GTPBP1: variants seen among roughly 807,000 people sequenced by gnomAD.
GTPBP1 encodes the protein GTP binding protein 1, also known as GTP-binding protein 1.
GTPBP1 carries 23 observed loss-of-function variants against 62.0 expected under a neutral mutation model. That is an observed-to-expected ratio of 0.37 (90% confidence interval 0.27 to 0.53). The LOEUF (loss-of-function observed/expected upper bound fraction) is 0.53. Among genes scored for constraint, GTPBP1 ranks in the 20% least tolerant of loss-of-function variants. The probability of loss-of-function intolerance (pLI) is 0.89; values close to 1 mark genes in which losing one functional copy is unlikely to be tolerated. For missense variants in GTPBP1, 640 were observed against 917.3 expected, an observed-to-expected ratio of 0.70 and a Z score of 3.90; for synonymous variants, 344 against 364.4, an observed-to-expected ratio of 0.94 and a Z score of 0.64.
intron 2 of GTPBP1, among the ~76,000 whole-genome samples, chr22:38,713,293 C>T (rs1018853803): frequency 2.0e-5 from 3 of 152,142 alleles, no homozygotes; most frequent in Non-Finnish European, 4.4e-5. Flanking sequence ...AATGGGGAGG[C>T]TGTTAAGCAG....
At chr22:38,735,457 C>G, downstream of GTPBP1, 1 of 299,182 alleles carries the variant, frequency 3.3e-6, no homozygotes, top group Non-Finnish European at 6.6e-6. Context: ...TCTCCATACC[C>G]TGGGAGAATG....
At chr22:38,723,006 G>A in intron 5 of GTPBP1, 1 of 825,160 alleles carries the variant, frequency 1.2e-6, no homozygotes. Context: ...GTAGTCTCAG[G>A]AAGTTTGCTC....
downstream of GTPBP1, chr22:38,738,479 C>A (rs1603214574): frequency 1.2e-5 from 18 of 1,449,612 alleles, no homozygotes; most frequent in South Asian, 2.1e-4. This position sits in a 1 kb window ranked among gnomAD's most constrained non-coding sequence, Gnocchi z 6.6. Context: ...CTTCCAAATC[C>A]ACTCCCCTCC....
At chr22:38,740,251 G>A (rs998577556), downstream of GTPBP1, 2 of 1,550,792 alleles carry the variant, frequency 1.3e-6, no homozygotes, top group South Asian at 2.4e-5. This position sits in a 1 kb window ranked among gnomAD's most constrained non-coding sequence, Gnocchi z 4.8. Context: ...GCAGGGCCCT[G>A]GTGGTTCCCA....
At chr22:38,709,802 C>G (rs1352585861) in intron 2 of GTPBP1, among the ~76,000 whole-genome samples, 3 of 152,232 alleles carry the variant, frequency 2.0e-5, no homozygotes, top group Non-Finnish European at 4.4e-5. Flanking sequence ...CGTCCTCTCT[C>G]CCCACTGGAT....
Position 38,728,073 on chromosome 22 carries a change from G to A in GTPBP1, c.1628G>A (p.Arg543His), listed in dbSNP as rs763639124. ...GGGGACAAGGCCACTGTACACTTCC[G>A]CTTCATCAAGACCCCTGAGTACCTG... ...RTGDKATVHF[R>H]FIKTPEYLHI... The change falls in exon 10 of 12, where the codon CGC (arginine) becomes CAC (histidine). Residue 543 changes from arginine (R) to histidine (H), a missense_variant. Arg to His is a conservative substitution (Grantham distance 29, BLOSUM62 0). Around this residue, in one of 4 missense-constraint regions of GTPBP1, gnomAD observed 220 missense variants for 358.1 expected, o/e 0.61. Transcript: ENST00000216044. 3.2e-5 allele frequency: 51 copies of A among 1,612,802 alleles called. No individual in the cohort carries two copies. Among genetic ancestry groups the A allele is most frequent in the African/African-American group, 6.7e-5 (5 of 74,872 alleles).
chr22:38,739,259 C>T, downstream of GTPBP1: 2 of 1,464,988 alleles, frequency 1.4e-6, no homozygotes, highest in Non-Finnish European at 1.9e-6. This position sits in a 1 kb window ranked among gnomAD's most constrained non-coding sequence, Gnocchi z 6.7. Context: ...CTTGCTCTGC[C>T]CCACCACCAA....
rs372624692 is a variant in GTPBP1, at chr22:38,732,888, G to T, written c.*2184G>T. The T allele has an allele frequency of 6.6e-6, 1 of 152,312 alleles. No individual in the cohort carries two copies. The highest frequency in any genetic ancestry group is 1.5e-5 in the Non-Finnish European group (1 of 68,116). 9.4% of individuals were successfully genotyped at this position (152,312 alleles called of 1,614,324 possible). ...CTTTTTGTATTTTAGTAGAGACAGGGTTTCGCCATGTCGGCCAGGGTGGTC... is the reference window on the plus strand; with the variant it reads ...CTTTTTGTATTTTAGTAGAGACAGGTTTTCGCCATGTCGGCCAGGGTGGTC... On this transcript the variant is annotated 3_prime_UTR_variant, in exon 12 of 12. Coordinates refer to ENST00000216044, the MANE Select transcript of GTPBP1 (RefSeq NM_004286.5).
At chr22:38,709,056 G>A in intron 2 of GTPBP1, 100 bp downstream of exon 2, 7 of 689,644 alleles carry the variant, frequency 1.0e-5, no homozygotes, top group South Asian at 4.7e-5. Flanking sequence ...GCCAAGACGG[G>A]TGGATCACCT....
chr22:38,716,156 T>C lies in GTPBP1; in HGVS notation c.485+69T>C. The C allele has an allele frequency of 7.8e-7, 1 of 1,281,984 alleles. No homozygotes were observed. The highest frequency in any genetic ancestry group is 1.1e-6 in the Non-Finnish European group (1 of 904,878). 79.4% of individuals were successfully genotyped at this position (1,281,984 alleles called of 1,614,324 possible). A position where few individuals can be genotyped will look rare whatever the true frequency, so the allele number is the denominator to read the frequency against. On this transcript the variant is annotated intron_variant, in intron 3 of 11. Coordinates refer to ENST00000216044, the MANE Select transcript of GTPBP1 (RefSeq NM_004286.5). The surrounding 1 kb of genome is among the most constrained non-coding windows in gnomAD (Gnocchi z 5.2). Reference sequence around the variant, plus strand: ...AGGTTGGTGACTGAGCCTGTGGCACTTGGCGTGTCAGCTCCATCCTTTCCC... The same window carrying C: ...AGGTTGGTGACTGAGCCTGTGGCACCTGGCGTGTCAGCTCCATCCTTTCCC...
downstream of GTPBP1, chr22:38,738,876 G>C (rs745738283): frequency 6.2e-7 from 1 of 1,603,166 alleles, no homozygotes; most frequent in Non-Finnish European, 8.5e-7. This position sits in a 1 kb window ranked among gnomAD's most constrained non-coding sequence, Gnocchi z 6.6. Flanking sequence ...TGCCCACCTG[G>C]AGGATGACTC....
intron 11 of GTPBP1, 131 bp downstream of exon 11, chr22:38,729,793 G>A (rs1448028477): frequency 3.5e-6 from 2 of 564,092 alleles, no homozygotes; most frequent in East Asian, 3.4e-5. Context: ...TGGCACTGAA[G>A]TGCTCCTAAG....
At chr22:38,723,135 C>A in intron 5 of GTPBP1, 1 of 794,562 alleles carries the variant, frequency 1.3e-6, no homozygotes, top group Non-Finnish European at 2.3e-6. Context: ...CAGTTCACAT[C>A]ATGAAATTCC....
At chr22:38,729,931 T>C (rs2092747986) in intron 11 of GTPBP1, among the ~76,000 whole-genome samples, 1 of 152,150 alleles carries the variant, frequency 6.6e-6, no homozygotes, top group Non-Finnish European at 1.5e-5. Context: ...AACAGAAAAA[T>C]GTCGAAGCTT....
downstream of GTPBP1, chr22:38,738,586 C>A: frequency 6.2e-7 from 1 of 1,612,124 alleles, no homozygotes; most frequent in Non-Finnish European, 8.5e-7. This position sits in a 1 kb window ranked among gnomAD's most constrained non-coding sequence, Gnocchi z 6.6. Flanking sequence ...CAGATACTCA[C>A]AAAGATGGCG....
rs778902188 is a variant in GTPBP1 at position 38,729,529 on chromosome 22, A to G, written c.1784A>G (p.Lys595Arg). ...KPQQIKMQST[K>R]KGPLTKRDEG... ...CAGCAGATTAAAATGCAGTCGACGA[A>G]AAAGGGCCCCCTGACGAAACGAGAC... Residue 595 changes from lysine (K) to arginine (R), a missense_variant, in exon 11 of 12, where the codon AAA (lysine) becomes AGA (arginine). Lys to Arg is a conservative substitution (Grantham distance 26). Around this residue, in one of 4 missense-constraint regions of GTPBP1, gnomAD observed 117 missense variants for 107.1 expected, o/e 1.09. Transcript: ENST00000216044. 6.2e-7 allele frequency: 1 copy of G among 1,610,434 alleles called. No individual in the cohort carries two copies. Among genetic ancestry groups the G allele is most frequent in the South Asian group, 1.1e-5 (1 of 90,614 alleles).
intron 10 of GTPBP1, chr22:38,728,369 G>T: frequency 1.8e-6 from 1 of 567,066 alleles, no homozygotes; most frequent in East Asian, 2.9e-5. Context: ...AGAGGAGAAG[G>T]TAGGGTTAGG....
Position 38,727,308 on chromosome 22 carries a change from C to T in GTPBP1, c.1497C>T (p.Leu499=). The T allele has an allele frequency of 6.3e-7, 1 of 1,593,942 alleles. No homozygotes were observed. Among genetic ancestry groups the T allele is most frequent in the Non-Finnish European group, 8.5e-7 (1 of 1,169,838 alleles). The stretch of plus-strand genomic sequence containing the variant: ...AGTTTGAGGCCGAGATTCTCGTCCT[C>T]CACCACCCCACCACAATTAGCCCGC... The part of the protein sequence containing the change: ...SWEFEAEILV[L]HHPTTISPRY... Residue 499 remains leucine (L), a synonymous_variant, in exon 9 of 12, where the codon CTC becomes CTT. Transcript: ENST00000216044. This position sits in a 1 kb window ranked among gnomAD's most constrained non-coding sequence, Gnocchi z 6.5.
At chr22:38,725,889 C>G in intron 6 of GTPBP1, 117 bp from the exon 7 acceptor site, 1 of 920,884 alleles carries the variant, frequency 1.1e-6, no homozygotes, top group African/African-American at 1.6e-5. Flanking sequence ...GAGGTGGAGT[C>G]ATGAATAGTG....
Sources: allele counts gnomAD v4.1 joint callset (sites outside exome capture counted in the v4.1 genomes callset), GRCh38; gene constraint gnomAD v4.1.1; regional missense constraint gnomAD v4.1.1; non-coding constraint Gnocchi (gnomAD v3.1); transcripts MANE v1.5; gene names NCBI Gene and HGNC (gene_info 2026-07-23, HGNC 2026-07-21).